Variants in PRIM2 observed in about 807,000 individuals in gnomAD.
The protein encoded by PRIM2 is DNA primase subunit 2, also known as DNA primase large subunit.
A neutral mutation model predicts 67.3 loss-of-function variants in PRIM2; 39 were observed. The observed-to-expected ratio is 0.58, with a 90% CI of 0.45 to 0.76. PRIM2 has a LOEUF of 0.76. PRIM2 is among the 30% of genes least tolerant of loss of function. The pLI is 0.00. For synonymous variants in PRIM2, 143 were observed against 198.7 expected (o/e 0.72, Z 2.36); for missense variants, 398 against 598.7 (o/e 0.66, Z 3.50).
intron 3 of PRIM2, among the ~76,000 whole-genome samples, chr6:57,322,204 T>C (rs1481718426): frequency 2.0e-5 from 3 of 152,302 alleles, no homozygotes; most frequent in African/African-American, 7.2e-5. Flanking sequence ...AGGAGATACT[T>C]AAACATGTTT....
chr6:57,572,306 G>A (rs1775877637), intron 10 of PRIM2, among the ~76,000 whole-genome samples: 1 of 152,166 alleles, frequency 6.6e-6, no homozygotes, highest in Admixed American at 6.5e-5. Flanking sequence ...CCAAAACCAT[G>A]GAATTTGAGA....
chr6:57,321,851 T>C (rs1269692668), intron 3 of PRIM2, among the ~76,000 whole-genome samples: 1 of 152,226 alleles, frequency 6.6e-6, no homozygotes, highest in Non-Finnish European at 1.5e-5. Context: ...ACTGAATAAC[T>C]TGCCCAAGCT....
chr6:57,349,041 G>C (rs7773479), intron 5 of PRIM2, among the ~76,000 whole-genome samples: 1 of 151,966 alleles, frequency 6.6e-6, no homozygotes, highest in African/African-American at 2.4e-5. Flanking sequence ...CACCATGCCT[G>C]GCCTCCTTTT....
At chr6:57,311,263 T>C (rs1208778025), upstream of PRIM2, among the ~76,000 whole-genome samples, 60 of 128,860 alleles carry the variant, frequency 4.7e-4, no homozygotes, top group African/African-American at 1.8e-3. Flanking sequence ...GCAGAGGCGC[T>C]CCTCACTTCC....
At chr6:57,493,314 A>C (rs1773938039) in intron 7 of PRIM2, among the ~76,000 whole-genome samples, 1 of 152,200 alleles carries the variant, frequency 6.6e-6, no homozygotes. Flanking sequence ...TATGTTTACT[A>C]TATGTCTTTA....
chr6:57,221,647 C>A, the PRIM2 span: 1 of 152,518 alleles, frequency 6.6e-6, no homozygotes, highest in Non-Finnish European at 1.5e-5. Flanking sequence ...AAAAGCCGAA[C>A]GTTCGGCCAG....
intron 10 of PRIM2, among the ~76,000 whole-genome samples, chr6:57,571,176 G>A (rs1310140450): frequency 1.3e-5 from 2 of 152,092 alleles, no homozygotes; most frequent in East Asian, 3.8e-4. Context: ...AAAAGATTTT[G>A]CATAAACTTA....
At chr6:57,227,343 A>C in the PRIM2 span, among the ~76,000 whole-genome samples, 1 of 152,194 alleles carries the variant, frequency 6.6e-6, no homozygotes, top group Non-Finnish European at 1.5e-5. Context: ...CCATTCCATA[A>C]TTTAAATTCT....
intron 7 of PRIM2, among the ~76,000 whole-genome samples, chr6:57,507,047 T>A (rs1774265080): frequency 6.6e-6 from 1 of 152,156 alleles, no homozygotes; most frequent in Admixed American, 6.6e-5. Context: ...AATTTTACAT[T>A]TAGAAGTTTT....
At chr6:57,469,889 T>C (rs1247512613) in intron 7 of PRIM2, among the ~76,000 whole-genome samples, 58 of 152,352 alleles carry the variant, frequency 3.8e-4, no homozygotes, top group South Asian at 1.2e-3. Flanking sequence ...TATAAACTTC[T>C]GCTGCCCACA....
At chr6:57,395,854 G>A (rs12197129) in intron 7 of PRIM2, among the ~76,000 whole-genome samples, 7 of 152,008 alleles carry the variant, frequency 4.6e-5, no homozygotes, top group African/African-American at 1.7e-4. Context: ...GGTTTTGATA[G>A]GTTGTGTCAT....
chr6:57,414,413 T>A (rs1771192765), intron 7 of PRIM2, among the ~76,000 whole-genome samples: 1 of 152,142 alleles, frequency 6.6e-6, no homozygotes. Flanking sequence ...GTGTTCTCAA[T>A]TTGTAAGGAT....
intron 5 of PRIM2, among the ~76,000 whole-genome samples, chr6:57,334,489 G>T (rs77455731): frequency 0.13 from 19,357 of 151,946 alleles, 1,393 homozygotes; most frequent in African/African-American, 0.18. Flanking sequence ...CTTTCATATT[G>T]TTTTTCATTT....
chr6:57,512,095 A>G (rs1774384522), intron 8 of PRIM2, among the ~76,000 whole-genome samples: 1 of 152,164 alleles, frequency 6.6e-6, no homozygotes, highest in Admixed American at 6.5e-5. Flanking sequence ...TAAAAATACC[A>G]GGGAGGAGCC....
chr6:57,485,656 T>C (rs1773736905), intron 7 of PRIM2, among the ~76,000 whole-genome samples: 1 of 152,206 alleles, frequency 6.6e-6, no homozygotes, highest in African/African-American at 2.4e-5. Flanking sequence ...TTATAGGAAA[T>C]CTGAGCATCT....
intron 5 of PRIM2, among the ~76,000 whole-genome samples, chr6:57,331,278 G>A (rs1768051638): frequency 2.6e-5 from 4 of 152,074 alleles, no homozygotes; most frequent in African/African-American, 9.6e-5. Flanking sequence ...CCTTGGTCAT[G>A]TTATATAATC....
chr6:57,578,299 C>T (rs1376550816), intron 10 of PRIM2, among the ~76,000 whole-genome samples: 1 of 152,108 alleles, frequency 6.6e-6, no homozygotes, highest in African/African-American at 2.4e-5. Context: ...ATGTTCTCCT[C>T]AGAACATCTT....
intron 8 of PRIM2, among the ~76,000 whole-genome samples, chr6:57,518,825 AG>A (rs1774543561): frequency 7.9e-5 from 12 of 152,330 alleles, no homozygotes; most frequent in African/African-American, 2.9e-4. Flanking sequence ...GAGGACAGAG[AG>A]TACTTTCTAT....
the PRIM2 span, among the ~76,000 whole-genome samples, chr6:57,285,057 C>A: frequency 6.6e-6 from 1 of 152,138 alleles, no homozygotes; most frequent in East Asian, 1.9e-4. Context: ...CATACACCCT[C>A]CCAAGACTAA....
Sources: gnomAD v4.1 joint callset for allele counts (sites outside exome capture counted in the v4.1 genomes callset) on GRCh38, gnomAD v4.1.1 for gene constraint, MANE v1.5 for transcripts, NCBI Gene and HGNC (gene_info 2026-07-23, HGNC 2026-07-21) for gene names.